HOXA3: variants seen among roughly 807,000 people sequenced by gnomAD.
HOXA3 encodes homeobox A3, also known as homeobox protein Hox-A3.
In HOXA3, 8 loss-of-function variants were observed where a neutral mutation model predicts 30.3. The ratio of observed to expected loss-of-function variants is 0.26; its 90% CI spans 0.15 to 0.48. HOXA3 has a LOEUF of 0.48. HOXA3 is among the 20% of genes least tolerant of loss of function. HOXA3 has a pLI of 0.99. For missense variants in HOXA3, 653 were observed against 614.4 expected, an observed-to-expected ratio of 1.06 and a Z score of -0.66; for synonymous variants, 323 against 273.1, an observed-to-expected ratio of 1.18 and a Z score of -1.80.
chr7:27,140,265 A>C (rs1782519483), intron 1 of HOXA3, 79 bp from the exon 2 acceptor site: 1 of 152,166 alleles, frequency 6.6e-6, no homozygotes, highest in Non-Finnish European at 1.5e-5. Flanking sequence ...TCAACTCCCC[A>C]AAACCATAAA....
At chr7:27,127,413 G>A (rs1385478064) in intron 2 of HOXA3, among the ~76,000 whole-genome samples, 1 of 152,232 alleles carries the variant, frequency 6.6e-6, no homozygotes. Context: ...ACACAGGGCA[G>A]CAGGGGTGAA....
chr7:27,143,053 T>G (rs1782629819), intron 1 of HOXA3: 1 of 1,525,754 alleles, frequency 6.6e-7, no homozygotes, highest in African/African-American at 1.4e-5. Flanking sequence ...TACCATGACT[T>G]ATGTGCAGCT....
chr7:27,130,339 G>C, intron 2 of HOXA3: 1 of 1,113,538 alleles, frequency 9.0e-7, no homozygotes, highest in Non-Finnish European at 1.1e-6. Context: ...GACGTGGCTC[G>C]CATGCAGGCC....
intron 4 of HOXA3, among the ~76,000 whole-genome samples, chr7:27,114,828 A>ATATATATTATATATATTATATATAT (rs1491379927): frequency 0.21 from 12,983 of 62,206 alleles, 3,090 homozygotes; most frequent in South Asian, 0.31. Flanking sequence ...TATATATATA[A>ATATATATTATATATATTATATATAT]TATATATTAT....
intron 4 of HOXA3, chr7:27,115,983 T>G (rs369772546): frequency 9.2e-5 from 14 of 152,802 alleles, no homozygotes; most frequent in African/African-American, 3.4e-4. Context: ...ATTTGTTGGT[T>G]TGCTATTGGT....
intron 3 of HOXA3, among the ~76,000 whole-genome samples, chr7:27,125,762 A>G (rs767898244): frequency 3.9e-5 from 6 of 152,202 alleles, no homozygotes; most frequent in Non-Finnish European, 8.8e-5. Context: ...TTTTTGCTAC[A>G]TTGATTCTTT....
chr7:27,130,504 C>A (rs1181551345), intron 2 of HOXA3: 1 of 1,293,682 alleles, frequency 7.7e-7, no homozygotes. Flanking sequence ...GCGGGCGGTC[C>A]GCGGCGCGTA....
intron 1 of HOXA3, chr7:27,141,669 A>C (rs1782573390): frequency 9.2e-6 from 7 of 764,190 alleles, no homozygotes; most frequent in Non-Finnish European, 1.5e-5. Context: ...CTACTTATAC[A>C]GGCGCTATAA....
intron 2 of HOXA3, among the ~76,000 whole-genome samples, chr7:27,134,467 G>C: frequency 6.6e-6 from 1 of 152,198 alleles, no homozygotes; most frequent in Non-Finnish European, 1.5e-5. Flanking sequence ...GGTATCTATG[G>C]TTTTTGAAGC....
chr7:27,108,282 G>C lies in HOXA3; in HGVS notation c.965C>G (p.Pro322Arg), dbSNP rs201711921. 6.6e-7 allele frequency: 1 copy of C among 1,516,812 alleles called. No homozygotes were observed. The highest frequency in any genetic ancestry group is 8.8e-7 in the Non-Finnish European group (1 of 1,132,296). The allele number at this position is 1,516,812 out of a possible 1,614,324, so 94.0% of individuals were successfully genotyped here. ...CGTGTAGCGCTTCTGTGGGGGTGGC[G>C]GGGGTGCGCAGCTGGGCAGGGACGC... ...YPASLPSCAP[P>R]PPPQKRYTAA... is the part of the protein sequence containing the mutation. Residue 322 changes from proline to arginine, a missense_variant, in exon 6 of 6, where the codon CCG becomes CGG. Around this residue, in one of 3 missense-constraint regions of HOXA3, gnomAD observed 330 missense variants for 274.4 expected, o/e 1.20. Transcript: ENST00000612286. This position sits in a 1 kb window ranked among gnomAD's most constrained non-coding sequence, Gnocchi z 5.0.
chr7:27,134,772 A>C (rs1785664874), intron 2 of HOXA3, among the ~76,000 whole-genome samples: 1 of 152,232 alleles, frequency 6.6e-6, no homozygotes, highest in South Asian at 2.1e-4. Flanking sequence ...GTGTTTGGAA[A>C]ATATTTACTT....
Position 27,113,464 on chromosome 7 carries a change from A to G in HOXA3, c.-120-2704T>C, listed in dbSNP as rs1784489441. 6.6e-6 allele frequency among the ~76,000 whole-genome samples: 1 copy of G among 152,086 alleles called. No homozygotes were observed. Among genetic ancestry groups the G allele is most frequent in the African/African-American group, 2.4e-5 (1 of 41,408 alleles). On this transcript the variant is annotated intron_variant, in intron 4 of 5. Coordinates refer to ENST00000612286, the MANE Select transcript of HOXA3 (RefSeq NM_153631.3). This position sits in a 1 kb window ranked among gnomAD's most constrained non-coding sequence, Gnocchi z 4.8. ...CAAGAGGTGGGGGCGGGGATGGGAAAGCGGCCTGAACTCGAAGTGTAAGGG... is the reference window on the plus strand; with the variant it reads ...CAAGAGGTGGGGGCGGGGATGGGAAGGCGGCCTGAACTCGAAGTGTAAGGG...
Position 27,129,551 on chromosome 7 carries a change from C to T in HOXA3, c.-389-2481G>A, listed in dbSNP as rs562987465. 1.4e-4 allele frequency: 230 copies of T among 1,613,692 alleles called. 1 individual carries two copies. In the South Asian group the frequency reaches 2.4e-3, roughly 17 times the overall value. On this transcript the variant is annotated intron_variant, in intron 2 of 5. Transcript: ENST00000612286. ...GCGGTTCGAGAGCGCTTAGGCTCCC[C>T]TCCGTTATAACTGGGGTTAACTGAA... is the stretch of plus-strand genomic sequence containing the variant.
At chr7:27,147,526 C>T (rs539083745) in intron 1 of HOXA3, 1 of 1,614,168 alleles carries the variant, frequency 6.2e-7, no homozygotes, top group Non-Finnish European at 8.5e-7. Context: ...ACACGAGGCC[C>T]CGTACTCGTA....
chr7:27,151,648 A>T (rs1452521451), intron 1 of HOXA3: 1 of 456,702 alleles, frequency 2.2e-6, no homozygotes, highest in Non-Finnish European at 4.4e-6. Flanking sequence ...GGCGAAGGGA[A>T]GCCGGCAACG....
intron 4 of HOXA3, chr7:27,116,097 C>G (rs1367711465): frequency 6.6e-6 from 1 of 152,658 alleles, no homozygotes; most frequent in African/African-American, 2.4e-5. Flanking sequence ...GCAGTTCACC[C>G]GGCTCCCCCA....
chr7:27,129,566 G>A, intron 2 of HOXA3: 1 of 1,612,590 alleles, frequency 6.2e-7, no homozygotes, highest in South Asian at 1.1e-5. Context: ...TTATAACTGG[G>A]GTTAACTGAA....
chr7:27,135,612 C>T lies in HOXA3; in HGVS notation c.-390+4471G>A, dbSNP rs17449143. On this transcript the variant is annotated intron_variant, in intron 2 of 5. Coordinates refer to ENST00000612286, the MANE Select transcript of HOXA3 (RefSeq NM_153631.3). ...ATTTTGCAAGAAGTGTCTGTGTTTG[C>T]ATTTATTCTTACACACTTTAGGGGT... Among the ~76,000 whole-genome samples the T allele has an allele frequency of 4.9e-4, 74 of 152,272 alleles. No individual in the cohort carries two copies. The East Asian group carries it at 0.011, about 23-fold the overall frequency.
intron 2 of HOXA3, among the ~76,000 whole-genome samples, chr7:27,135,968 C>T (rs111453426): frequency 3.1e-4 from 47 of 152,290 alleles, no homozygotes; most frequent in African/African-American, 9.9e-4. Flanking sequence ...TCCTTTCCTC[C>T]GTAATTGAGG....
Sources: gnomAD v4.1 joint callset for allele counts (sites outside exome capture counted in the v4.1 genomes callset) on GRCh38, gnomAD v4.1.1 for gene constraint, gnomAD v4.1.1 regional missense constraint, Gnocchi (gnomAD v3.1) non-coding constraint, MANE v1.5 for transcripts, NCBI Gene and HGNC (gene_info 2026-07-23, HGNC 2026-07-21) for gene names.